SPIRE2: variants seen among roughly 807,000 people sequenced by gnomAD.
SPIRE2 encodes the protein spire type actin nucleation factor 2, also known as protein spire homolog 2.
In SPIRE2, 76 loss-of-function variants were observed where a neutral mutation model predicts 80.7. The ratio of observed to expected loss-of-function variants is 0.94; its 90% CI spans 0.78 to 1.14. The LOEUF (loss-of-function observed/expected upper bound fraction) is 1.14. Ranked by LOEUF, SPIRE2 falls within the 50% of genes most tolerant of loss-of-function variation. SPIRE2 has a pLI of 0.00. For synonymous variants in SPIRE2, 535 were observed against 432.6 expected (o/e 1.24, Z -2.94); for missense variants, 1,196 against 1,015.3 (o/e 1.18, Z -2.42).
Position 89,828,585 on chromosome 16 carries a change from C to T in SPIRE2, c.35C>T (p.Ala12Val). ...GCGGGCAGCTGCGGCGGCGCCGCGG[C>T]GGGCGCAGGGCGGCCGGAGCCCTGG... ...ARAGSCGGAAAGAGRPEPWEL... is the reference protein window; with the variant it reads ...ARAGSCGGAAVGAGRPEPWEL... Residue 12 changes from alanine (A) to valine (V), a missense_variant, in exon 1 of 15, where the codon GCG becomes GTG. Ala to Val is a moderately conservative substitution (Grantham distance 64, BLOSUM62 0). Coordinates refer to ENST00000378247, the MANE Select transcript of SPIRE2 (RefSeq NM_032451.2). The surrounding 1 kb of genome is among the most constrained non-coding windows in gnomAD (Gnocchi z 5.9). 1.7e-6 allele frequency: 2 copies of T among 1,180,562 alleles called. No homozygotes were observed. Among genetic ancestry groups the T allele is most frequent in the Non-Finnish European group, 2.1e-6 (2 of 956,370 alleles). 73.1% of individuals were successfully genotyped at this position (1,180,562 alleles called of 1,614,324 possible). A position where few individuals can be genotyped will look rare whatever the true frequency, so the allele number is the denominator to read the frequency against.
chr16:89,840,272 CG>C (rs1237320559), intron 1 of SPIRE2, among the ~76,000 whole-genome samples: 41 of 134,180 alleles, frequency 3.1e-4, no homozygotes, highest in Non-Finnish European at 5.1e-4. Context: ...TTTTTTGAGA[CG>C]GAGTCTCGCT....
rs1027898673 is a variant in SPIRE2 at position 89,870,470 on chromosome 16, G to C, written c.*198G>C. ...GCGCACTTCAAAACCCTCCCTGGGG[G>C]AGGCTGTTTCTTCTCAGGATTCCTT... On this transcript the variant is annotated 3_prime_UTR_variant, in exon 15 of 15. Transcript: ENST00000378247. 2 of 526,816 alleles carry C rather than the reference G, an allele frequency of 3.8e-6. No homozygotes were observed. The highest frequency in any genetic ancestry group is 6.8e-6 in the Non-Finnish European group (2 of 295,694). 32.6% of individuals were successfully genotyped at this position (526,816 alleles called of 1,614,324 possible). A position where few individuals can be genotyped will look rare whatever the true frequency, so the allele number is the denominator to read the frequency against.
At chr16:89,853,283 A>G (rs1271491384) in intron 3 of SPIRE2, among the ~76,000 whole-genome samples, 1 of 149,778 alleles carries the variant, frequency 6.7e-6, no homozygotes, top group Non-Finnish European at 1.5e-5. Context: ...GGTTACAGCT[A>G]TGAGCCACTG....
intron 1 of SPIRE2, among the ~76,000 whole-genome samples, chr16:89,843,060 C>T (rs980071104): frequency 6.6e-6 from 1 of 152,258 alleles, no homozygotes; most frequent in African/African-American, 2.4e-5. Context: ...TTCCAGGCAG[C>T]TGGAGCTCTT....
intron 13 of SPIRE2, among the ~76,000 whole-genome samples, 169 bp from the exon 14 acceptor site, chr16:89,869,398 A>G (rs1451695779): frequency 3.3e-5 from 5 of 152,084 alleles, no homozygotes; most frequent in Non-Finnish European, 7.4e-5. Context: ...GCCAGTCTTC[A>G]GCCAAAAGGC....
chr16:89,840,791 A>G (rs1055737964), intron 1 of SPIRE2, among the ~76,000 whole-genome samples: 1 of 149,170 alleles, frequency 6.7e-6, no homozygotes, highest in Non-Finnish European at 1.5e-5. Context: ...GCCCGCCACC[A>G]CGCCCAGCTT....
intron 1 of SPIRE2, among the ~76,000 whole-genome samples, chr16:89,840,742 TCTC>T (rs1345203725): frequency 4.0e-5 from 6 of 149,994 alleles, no homozygotes; most frequent in African/African-American, 1.5e-4. Flanking sequence ...TTCACGCCAT[TCTC>T]CTGCCTCAGC....
At chr16:89,840,027 C>T (rs926919018) in intron 1 of SPIRE2, among the ~76,000 whole-genome samples, 4 of 152,190 alleles carry the variant, frequency 2.6e-5, no homozygotes, top group African/African-American at 9.6e-5. Context: ...AGACACCCAG[C>T]GCCAGTAGCC....
chr16:89,831,779 C>T (rs1243314997), intron 1 of SPIRE2, among the ~76,000 whole-genome samples: 1 of 151,174 alleles, frequency 6.6e-6, no homozygotes, highest in East Asian at 1.9e-4. Flanking sequence ...TATCCCCCGC[C>T]CTTTCTCCTG....
At chr16:89,840,073 C>A (rs920761827) in intron 1 of SPIRE2, among the ~76,000 whole-genome samples, 1 of 152,148 alleles carries the variant, frequency 6.6e-6, no homozygotes, top group Non-Finnish European at 1.5e-5. Context: ...CACCAAACCC[C>A]TTGTCGGGCT....
chr16:89,858,608 G>T, intron 8 of SPIRE2, 101 bp downstream of exon 8: 1 of 1,178,940 alleles, frequency 8.5e-7, no homozygotes, highest in Non-Finnish European at 1.1e-6. Context: ...CAGCAATTGC[G>T]GTGTCTCCTG....
Position 89,828,745 on chromosome 16 carries a change from C to A in SPIRE2, c.195C>A (p.Leu65=). Residue 65 remains leucine (L), a synonymous_variant, in exon 1 of 15, where the codon CTC becomes CTA. Transcript: ENST00000378247. The surrounding 1 kb of genome is among the most constrained non-coding windows in gnomAD (Gnocchi z 5.9). ...GGCGCCTGCGGGATACCGGGGACCT[C>A]CTGCTGCGCGGGGACGGCTCGGTCG... ...PGRRLRDTGD[L]LLRGDGSVGA... The A allele has an allele frequency of 8.2e-7, 1 of 1,220,476 alleles. No homozygotes were observed. Among genetic ancestry groups the A allele is most frequent in the Non-Finnish European group, 1.0e-6 (1 of 979,096 alleles). The allele number at this position is 1,220,476 out of a possible 1,614,324, so 75.6% of individuals were successfully genotyped here.
chr16:89,835,181 A>G (rs1210402583), intron 1 of SPIRE2, among the ~76,000 whole-genome samples: 1 of 144,026 alleles, frequency 6.9e-6, no homozygotes, highest in East Asian at 1.9e-4. Flanking sequence ...GGATAAGCAT[A>G]GCCCGTGTGA....
intron 8 of SPIRE2, 46 bp downstream of exon 8, chr16:89,858,553 A>C: frequency 8.7e-6 from 13 of 1,491,650 alleles, no homozygotes; most frequent in Non-Finnish European, 1.2e-5. Flanking sequence ...GAATGGGAGG[A>C]TGGGGGCCAA....
chr16:89,855,650 C>G lies in SPIRE2; in HGVS notation c.942C>G (p.Ile314Met). The change falls in exon 6 of 15, where the codon ATC (isoleucine) becomes ATG (methionine). Residue 314 changes from isoleucine (I) to methionine (M), a missense_variant. Physicochemically the swap from Ile to Met is conservative, Grantham distance 10 (BLOSUM62 1). Transcript: ENST00000378247. Reference protein sequence around the residue: ...PRVKKDAHELILDFIRSRPPL... With the variant: ...PRVKKDAHELMLDFIRSRPPL... ...TGAAGAAGGACGCTCACGAGCTCAT[C>G]CTGGACTTTATCCGCTCACGGCCTC... 1 of 1,612,866 alleles carries G rather than the reference C, an allele frequency of 6.2e-7. No homozygotes were observed. The highest frequency in any genetic ancestry group is 8.5e-7 in the Non-Finnish European group (1 of 1,179,956).
intron 9 of SPIRE2, among the ~76,000 whole-genome samples, chr16:89,859,905 T>C (rs1170197322): frequency 2.0e-5 from 3 of 152,314 alleles, no homozygotes; most frequent in Admixed American, 6.5e-5. Flanking sequence ...CGGCCAGGCC[T>C]CCTTGTCTGC....
At chr16:89,854,446 T>G (rs1567675351) in intron 4 of SPIRE2, 41 bp from the exon 5 acceptor site, 1 of 1,610,734 alleles carries the variant, frequency 6.2e-7, no homozygotes, top group African/African-American at 1.3e-5. Context: ...CCGTGGAGCT[T>G]CACCTGGGGC....
At chr16:89,862,524 T>C (rs2041753797) in intron 10 of SPIRE2, 1 of 152,326 alleles carries the variant, frequency 6.6e-6, no homozygotes, top group Non-Finnish European at 1.5e-5. Context: ...AGGCGGCCCT[T>C]CTCTGTACCT....
chr16:89,870,313 C>A lies in SPIRE2; in HGVS notation c.*41C>A, dbSNP rs761106221. 4 of 1,385,344 alleles carry A rather than the reference C, an allele frequency of 2.9e-6. No individual in the cohort carries two copies. Among genetic ancestry groups the A allele is most frequent in the Non-Finnish European group, 4.0e-6 (4 of 995,834 alleles). 85.8% of individuals were successfully genotyped at this position (1,385,344 alleles called of 1,614,324 possible). On this transcript the variant is annotated 3_prime_UTR_variant, in exon 15 of 15. Transcript: ENST00000378247. ...AGGCCTCCAGGAGGCACCAGGCAGG[C>A]CCTGTATCAGGCTAGGACGCTCTGA...
Sources: gnomAD v4.1 joint callset for allele counts (sites outside exome capture counted in the v4.1 genomes callset) on GRCh38, gnomAD v4.1.1 for gene constraint, Gnocchi (gnomAD v3.1) non-coding constraint, MANE v1.5 for transcripts, NCBI Gene and HGNC (gene_info 2026-07-23, HGNC 2026-07-21) for gene names.